Variants in CRIPTO observed in about 807,000 individuals in gnomAD.
The protein encoded by CRIPTO is protein Cripto.
At chr3:46,578,802 G>A in the CRIPTO span, among the ~76,000 whole-genome samples, 1 of 152,112 alleles carries the variant, frequency 6.6e-6, no homozygotes, top group South Asian at 2.1e-4. Flanking sequence ...GTATGCAGGG[G>A]AAAACATGTG....
the CRIPTO span, among the ~76,000 whole-genome samples, chr3:46,576,044 AG>A: frequency 1.3e-5 from 2 of 152,188 alleles, no homozygotes; most frequent in Admixed American, 6.5e-5. Context: ...AAGGCCACAC[AG>A]GGAGGAGGCG....
At chr3:46,576,330 T>C in the CRIPTO span, among the ~76,000 whole-genome samples, 8 of 151,316 alleles carry the variant, frequency 5.3e-5, no homozygotes, top group Non-Finnish European at 4.4e-5. Flanking sequence ...TAGCCGGGCG[T>C]TGTGGCGGGC....
chr3:46,579,456 C>T, the CRIPTO span: 4 of 1,604,350 alleles, frequency 2.5e-6, no homozygotes, highest in Admixed American at 6.7e-5. Flanking sequence ...AAAAGGGCAC[C>T]TGGTTCTGGA....
chr3:46,574,801 T>C, the CRIPTO span, among the ~76,000 whole-genome samples: 1 of 152,264 alleles, frequency 6.6e-6, no homozygotes, highest in Non-Finnish European at 1.5e-5. Flanking sequence ...ACAGGAAGTC[T>C]GTCCTTTGAT....
At chr3:46,577,936 C>T in the CRIPTO span, 6 of 1,612,536 alleles carry the variant, frequency 3.7e-6, no homozygotes, top group Admixed American at 5.0e-5. Flanking sequence ...TAAAGCGATG[C>T]TAACGCCTCT....
At chr3:46,575,693 C>A in the CRIPTO span, among the ~76,000 whole-genome samples, 1 of 152,148 alleles carries the variant, frequency 6.6e-6, no homozygotes, top group Non-Finnish European at 1.5e-5. Flanking sequence ...GAAATAGCAA[C>A]GCAGGGGTGT....
chr3:46,580,069 A>G, the CRIPTO span: 1 of 1,614,142 alleles, frequency 6.2e-7, no homozygotes, highest in Non-Finnish European at 8.5e-7. Flanking sequence ...TGGTAAGCGG[A>G]GGTTCTCCTC....
the CRIPTO span, chr3:46,581,473 G>A: frequency 1.6e-6 from 1 of 608,290 alleles, no homozygotes; most frequent in Non-Finnish European, 2.9e-6. Context: ...TCAAAAGAAA[G>A]TCAGCCATAT....
the CRIPTO span, chr3:46,578,109 T>C: frequency 2.3e-6 from 3 of 1,293,512 alleles, no homozygotes; most frequent in Non-Finnish European, 3.4e-6. Flanking sequence ...GCTCAAGCCT[T>C]AAAAGAGCTG....
chr3:46,576,313 C>T, the CRIPTO span, among the ~76,000 whole-genome samples: 1 of 151,694 alleles, frequency 6.6e-6, no homozygotes, highest in South Asian at 2.1e-4. Flanking sequence ...ACTGAAAATA[C>T]AAAAATTAGC....
At chr3:46,578,836 C>T in the CRIPTO span, among the ~76,000 whole-genome samples, 2 of 151,964 alleles carry the variant, frequency 1.3e-5, no homozygotes, top group Non-Finnish European at 2.9e-5. Context: ...AAGACATATA[C>T]CTACTTAAAA....
At chr3:46,581,065 A>C in the CRIPTO span, 1 of 1,204,562 alleles carries the variant, frequency 8.3e-7, no homozygotes, top group Non-Finnish European at 1.2e-6. Flanking sequence ...GATATGCCAC[A>C]TTTGTGGGCA....
chr3:46,578,692 G>A, the CRIPTO span, among the ~76,000 whole-genome samples: 3 of 152,084 alleles, frequency 2.0e-5, no homozygotes, highest in African/African-American at 7.2e-5. Flanking sequence ...GTGAAAAACC[G>A]AAACTCCCTC....
At chr3:46,579,512 G>C in the CRIPTO span, 58 of 1,427,202 alleles carry the variant, frequency 4.1e-5, 2 homozygotes, top group South Asian at 6.6e-4. Context: ...GTGAGACAAG[G>C]ATTGTGTATT....
chr3:46,577,900 T>C, the CRIPTO span: 1 of 1,495,176 alleles, frequency 6.7e-7, no homozygotes, highest in South Asian at 1.1e-5. Context: ...TGTTTTCCTT[T>C]GGCTGTTTTG....
At chr3:46,579,807 C>G in the CRIPTO span, 7 of 1,613,822 alleles carry the variant, frequency 4.3e-6, no homozygotes, top group Non-Finnish European at 5.1e-6. Context: ...TTGTGCCTGC[C>G]CTCCCTCCTT....
At chr3:46,581,733 G>C in the CRIPTO span, 1 of 383,538 alleles carries the variant, frequency 2.6e-6, no homozygotes, top group Admixed American at 4.2e-5. Flanking sequence ...GTCTGGTCTC[G>C]AACTCCTGAC....
the CRIPTO span, among the ~76,000 whole-genome samples, chr3:46,575,407 C>T: frequency 6.6e-6 from 1 of 152,152 alleles, no homozygotes; most frequent in Non-Finnish European, 1.5e-5. Flanking sequence ...TCCCCTTCTC[C>T]CCACCCCCCA....
chr3:46,579,559 C>A, the CRIPTO span: 1 of 1,178,816 alleles, frequency 8.5e-7, no homozygotes, highest in Non-Finnish European at 1.2e-6. Flanking sequence ...CCCCTGAGTC[C>A]ACTTCACACT....
Sources: allele counts gnomAD v4.1 joint callset (sites outside exome capture counted in the v4.1 genomes callset), GRCh38; gene constraint gnomAD v4.1.1; transcripts MANE v1.5; gene names NCBI Gene and HGNC (gene_info 2026-07-23, HGNC 2026-07-21).